The following IL1RAPL1 variants were observed in gnomAD, a reference collection of about 807,000 sequenced individuals.
The protein encoded by IL1RAPL1 is interleukin-1 receptor accessory protein-like 1.
IL1RAPL1 carries 3 observed loss-of-function variants against 48.4 expected under a neutral mutation model. The ratio of observed to expected loss-of-function variants is 0.06; its 90% CI spans 0.03 to 0.16. IL1RAPL1 has a LOEUF of 0.16. Ranked by LOEUF, IL1RAPL1 falls within the 10% of genes least tolerant of loss-of-function variation. The pLI is 1.00. For synonymous variants in IL1RAPL1, 185 were observed against 187.7 expected, an observed-to-expected ratio of 0.99 and a Z score of 0.12; for missense variants, 349 against 530.6, an observed-to-expected ratio of 0.66 and a Z score of 3.36.
chrX:28,831,026 C>CTCTGTGTG lies in IL1RAPL1; in HGVS notation c.82+41602_82+41603insCTGTGTGT, dbSNP rs1438889606. Among the ~76,000 whole-genome samples, 142 of 33,645 alleles carry CTCTGTGTG rather than the reference C, an allele frequency of 4.2e-3. 5 individuals are homozygous for CTCTGTGTG. The highest frequency in any genetic ancestry group is 6.2e-3 in the Non-Finnish European group (125 of 20,252). The allele number at this position is 33,645 out of a possible 115,157, so 29.2% of individuals were successfully genotyped here. The stretch of plus-strand genomic sequence containing the variant: ...TCTCTCTCTCTCTCTCTCTCTCTCT[C>CTCTGTGTG]TGTGTGTGTGTGTGTGTGTGTGTGT... On this transcript the variant is annotated intron_variant, in intron 2 of 10. Transcript: ENST00000378993.
chrX:28,623,012 G>A (rs116704160), intron 1 of IL1RAPL1, among the ~76,000 whole-genome samples: 113 of 111,531 alleles, frequency 1.0e-3, no homozygotes, highest in African/African-American at 3.6e-3. Flanking sequence ...TGGCAGAAAA[G>A]CTAGCTATTT....
At chrX:28,921,000 G>C (rs1923602161) in intron 2 of IL1RAPL1, among the ~76,000 whole-genome samples, 1 of 111,362 alleles carries the variant, frequency 9.0e-6, no homozygotes, top group South Asian at 3.8e-4. Context: ...TTTTTATTGG[G>C]TCAGGTAAGA....
At chrX:29,381,831 AAAATAT>A (rs1418195008) in intron 3 of IL1RAPL1, among the ~76,000 whole-genome samples, 28 of 25,774 alleles carry the variant, frequency 1.1e-3, no homozygotes, top group African/African-American at 2.3e-3. Context: ...AAAAAAAAAA[AAAATAT>A]ATATATATAT....
chrX:29,670,137 A>G (rs745634675), intron 6 of IL1RAPL1, among the ~76,000 whole-genome samples: 68 of 111,555 alleles, frequency 6.1e-4, no homozygotes, highest in Non-Finnish European at 1.2e-3. Context: ...GTTTCTTTTT[A>G]CTGTCCTTGA....
chrX:29,200,509 T>C (rs1049257435), intron 2 of IL1RAPL1, among the ~76,000 whole-genome samples: 4 of 111,971 alleles, frequency 3.6e-5, no homozygotes, highest in African/African-American at 1.3e-4. Flanking sequence ...TAGCAGATTG[T>C]TTTTTCTCAA....
chrX:29,432,655 T>C (rs1934435063), intron 5 of IL1RAPL1, among the ~76,000 whole-genome samples: 1 of 111,839 alleles, frequency 8.9e-6, no homozygotes, highest in Non-Finnish European at 1.9e-5. Flanking sequence ...AGACTCCAAG[T>C]TTACTGTGCA....
At chrX:29,075,893 G>T in intron 2 of IL1RAPL1, among the ~76,000 whole-genome samples, 1 of 111,513 alleles carries the variant, frequency 9.0e-6, no homozygotes, top group Non-Finnish European at 1.9e-5. Context: ...ACAATAAAAA[G>T]GTCGTCGTTT....
At chrX:29,565,155 T>G (rs1205941001) in intron 5 of IL1RAPL1, among the ~76,000 whole-genome samples, 1 of 111,897 alleles carries the variant, frequency 8.9e-6, no homozygotes, top group Non-Finnish European at 1.9e-5. Context: ...AAATAATGTA[T>G]CAAAATAATT....
chrX:28,809,578 G>A (rs1264258146), intron 2 of IL1RAPL1, among the ~76,000 whole-genome samples: 1 of 110,625 alleles, frequency 9.0e-6, no homozygotes, highest in African/African-American at 3.3e-5. Flanking sequence ...ATGACAGGTA[G>A]TGACGAAGAA....
chrX:29,304,937 A>C (rs780445818), intron 3 of IL1RAPL1, among the ~76,000 whole-genome samples: 38 of 111,711 alleles, frequency 3.4e-4, no homozygotes, highest in Admixed American at 2.0e-3. Context: ...GCATTCAACT[A>C]TTCTTCCCTC....
chrX:28,999,869 A>G (rs1436749352), intron 2 of IL1RAPL1, among the ~76,000 whole-genome samples: 1 of 111,889 alleles, frequency 8.9e-6, no homozygotes, highest in Non-Finnish European at 1.9e-5. Context: ...TGCCTTTTCA[A>G]ATATAATTCA....
chrX:29,479,711 CTGTG>C (rs1332383268), intron 5 of IL1RAPL1, among the ~76,000 whole-genome samples: 1 of 109,985 alleles, frequency 9.1e-6, no homozygotes, highest in African/African-American at 3.3e-5. Flanking sequence ...TTATATCACT[CTGTG>C]TGTCTTTGCA....
chrX:28,655,825 G>T (rs1934742217), intron 1 of IL1RAPL1, among the ~76,000 whole-genome samples: 1 of 111,575 alleles, frequency 9.0e-6, no homozygotes, highest in Non-Finnish European at 1.9e-5. Context: ...TGAAAGAAAA[G>T]GTGGAATTTT....
In IL1RAPL1 at chrX:29,803,286, TGTATATATGTATAC is replaced by T. The variant is rs1467242692; in HGVS notation, c.779-114177_779-114164del. On this transcript the variant is annotated intron_variant, in intron 6 of 10. Coordinates refer to ENST00000378993, the MANE Select transcript of IL1RAPL1 (RefSeq NM_014271.4). ...GTATATATGTATACATATACACACATGTATATATGTATACATATACACACATGTATATATGTATA... is the reference window on the plus strand; with the variant it reads ...GTATATATGTATACATATACACACATATATACACACATGTATATATGTATA... 2.9e-3 allele frequency among the ~76,000 whole-genome samples: 81 copies of T among 28,416 alleles called. 7 individuals carry two copies. Among genetic ancestry groups the T allele is most frequent in the African/African-American group, 0.011 (75 of 6,667 alleles). The allele number at this position is 28,416 out of a possible 115,157, so 24.7% of individuals were successfully genotyped here.
intron 2 of IL1RAPL1, among the ~76,000 whole-genome samples, chrX:29,140,590 T>C (rs970725684): frequency 8.9e-6 from 1 of 112,259 alleles, no homozygotes; most frequent in Non-Finnish European, 1.9e-5. Flanking sequence ...AGTTTCTGTG[T>C]AAGAATCTGT....
intron 6 of IL1RAPL1, among the ~76,000 whole-genome samples, chrX:29,870,793 A>G (rs993950258): frequency 7.1e-5 from 8 of 112,351 alleles, no homozygotes. Flanking sequence ...TCCATAAGCA[A>G]GAAGGAAGTG....
intron 5 of IL1RAPL1, among the ~76,000 whole-genome samples, chrX:29,539,673 G>C (rs1051010999): frequency 9.1e-6 from 1 of 110,400 alleles, no homozygotes; most frequent in African/African-American, 3.3e-5. Context: ...TTAAAAATGC[G>C]TAGCACCTCC....
At chrX:29,827,545 G>C (rs1930764965) in intron 6 of IL1RAPL1, among the ~76,000 whole-genome samples, 1 of 111,820 alleles carries the variant, frequency 8.9e-6, no homozygotes, top group African/African-American at 3.2e-5. Flanking sequence ...AGTGGGGAAA[G>C]GTAAGGTGAC....
At chrX:29,173,182 A>G (rs996184371) in intron 2 of IL1RAPL1, among the ~76,000 whole-genome samples, 1 of 111,408 alleles carries the variant, frequency 9.0e-6, no homozygotes, top group Non-Finnish European at 1.9e-5. Flanking sequence ...AAACAGTGCT[A>G]ATGGATTGTA....
Sources: allele counts gnomAD v4.1 joint callset (sites outside exome capture counted in the v4.1 genomes callset), GRCh38; gene constraint gnomAD v4.1.1; transcripts MANE v1.5; gene names NCBI Gene and HGNC (gene_info 2026-07-23, HGNC 2026-07-21).